The following MYO18B variants were observed in gnomAD, a reference collection of about 807,000 sequenced individuals.
MYO18B encodes the protein myosin XVIIIB, also known as unconventional myosin-XVIIIb.
Under a neutral mutation model 273.0 loss-of-function variants are expected in MYO18B, and 204 were observed. The observed-to-expected ratio is 0.75, with a 90% CI of 0.67 to 0.84. The LOEUF (loss-of-function observed/expected upper bound fraction) is 0.84, where lower values mean the gene tolerates loss of function less well. MYO18B is among the 40% of genes least tolerant of loss of function. The pLI is 0.00. For synonymous variants in MYO18B, 1,330 were observed against 1,305.7 expected (o/e 1.02, Z -0.40); for missense variants, 3,212 against 3,287.6 (o/e 0.98, Z 0.56).
intron 39 of MYO18B, among the ~76,000 whole-genome samples, chr22:25,969,029 A>T (rs554958951): frequency 1.3e-5 from 2 of 152,090 alleles, no homozygotes; most frequent in African/African-American, 4.8e-5. Context: ...ATCTTCTCCA[A>T]CCTCAGACTG....
rs527237924 is a variant in MYO18B, at chr22:25,917,264, A to T, written c.5365-3993A>T. ...CTGTTAACTTTGGTTTTGAGTTCTT[A>T]ATCTGTTTCTAAGAGAGTCCTGTTA... On this transcript the variant is annotated intron_variant, in intron 33 of 43. Transcript: ENST00000335473. Among the ~76,000 whole-genome samples the T allele has an allele frequency of 3.3e-5, 5 of 152,272 alleles. No individual in the cohort carries two copies. The South Asian group carries it at 1.0e-3, about 32-fold the overall frequency.
At chr22:25,792,826 C>G (rs564267772) in intron 11 of MYO18B, among the ~76,000 whole-genome samples, 3 of 150,426 alleles carry the variant, frequency 2.0e-5, no homozygotes, top group Non-Finnish European at 4.4e-5. Context: ...GCTCCCGTTC[C>G]GGGAGGCAGA....
At chr22:25,804,975 G>A (rs1170626999) in intron 12 of MYO18B, among the ~76,000 whole-genome samples, 6 of 152,222 alleles carry the variant, frequency 3.9e-5, no homozygotes, top group African/African-American at 7.2e-5. Context: ...AGGGCTCAGC[G>A]AAGGGCCCAT....
intron 21 of MYO18B, among the ~76,000 whole-genome samples, chr22:25,865,110 G>A (rs2090848642): frequency 1.3e-5 from 2 of 152,200 alleles, no homozygotes; most frequent in African/African-American, 2.4e-5. Flanking sequence ...GCATTTAAGT[G>A]CAAAGTAATT....
intron 4 of MYO18B, 40 bp from the exon 5 acceptor site, chr22:25,770,070 T>C: frequency 6.2e-7 from 1 of 1,603,156 alleles, no homozygotes; most frequent in Non-Finnish European, 8.5e-7. Flanking sequence ...TGGGCAGCGG[T>C]GCCATTTGCT....
intron 42 of MYO18B, among the ~76,000 whole-genome samples, chr22:26,022,028 C>G (rs1446930782): frequency 6.6e-6 from 1 of 152,102 alleles, no homozygotes; most frequent in African/African-American, 2.4e-5. Context: ...CCTTTTTGGA[C>G]AGACTACAGG....
At chr22:25,745,689 C>T (rs748666235) in intron 1 of MYO18B, among the ~76,000 whole-genome samples, 4 of 134,378 alleles carry the variant, frequency 3.0e-5, no homozygotes, top group Admixed American at 7.0e-5. Context: ...GAAAGATCCT[C>T]AAGAATCGGC....
intron 21 of MYO18B, among the ~76,000 whole-genome samples, chr22:25,863,738 A>C (rs1031058001): frequency 6.6e-6 from 1 of 152,074 alleles, no homozygotes; most frequent in South Asian, 2.1e-4. Context: ...TTATGCTTCA[A>C]CCTCTACGTT....
the MYO18B span, among the ~76,000 whole-genome samples, chr22:26,047,287 C>G: frequency 1.3e-5 from 2 of 152,044 alleles, no homozygotes; most frequent in East Asian, 3.9e-4. Context: ...CCACCATGCC[C>G]GGCTAATTTG....
chr22:25,826,635 C>T (rs1267423711), intron 14 of MYO18B, 136 bp downstream of exon 14: 1 of 701,866 alleles, frequency 1.4e-6, no homozygotes, highest in Non-Finnish European at 2.4e-6. Context: ...CTGGGTTTAA[C>T]TTCTACCTTG....
chr22:25,766,015 G>A (rs566138213), intron 3 of MYO18B, among the ~76,000 whole-genome samples: 7 of 152,282 alleles, frequency 4.6e-5, no homozygotes, highest in Admixed American at 2.6e-4. Flanking sequence ...GCTGAACCTC[G>A]TAATCACCCG....
chr22:25,952,411 T>G lies in MYO18B; in HGVS notation c.5958T>G (p.Ile1986Met). 2 of 1,613,130 alleles carry G rather than the reference T, an allele frequency of 1.2e-6. No homozygotes were observed. Among genetic ancestry groups the G allele is most frequent in the Non-Finnish European group, 1.7e-6 (2 of 1,179,662 alleles). ...ENKTEFQKVQ[I>M]KRFEVLVIRL... ...AGACAGAGTTCCAGAAGGTGCAGAT[T>G]AAGAGATTTGAGGTACGTAGTGATT... is the stretch of plus-strand genomic sequence containing the variant. Residue 1986 changes from isoleucine (I) to methionine (M), a missense_variant, in exon 38 of 44, where the codon ATT (isoleucine) becomes ATG (methionine). Coordinates refer to ENST00000335473, the MANE Select transcript of MYO18B (RefSeq NM_032608.7).
At chr22:25,795,487 G>A (rs1266204226) in intron 11 of MYO18B, among the ~76,000 whole-genome samples, 1 of 152,166 alleles carries the variant, frequency 6.6e-6, no homozygotes, top group Non-Finnish European at 1.5e-5. Context: ...GTAGATGGTG[G>A]AATCCTTCTG....
chr22:25,770,784 CCT>C (rs2086688447), intron 5 of MYO18B, 86 bp from the exon 6 acceptor site: 3 of 919,824 alleles, frequency 3.3e-6, no homozygotes, highest in East Asian at 5.3e-5. Flanking sequence ...CGGCTTAGAG[CCT>C]CTCTTATCTC....
chr22:25,877,821 A>G (rs1033120159), intron 24 of MYO18B, 138 bp from the exon 25 acceptor site: 35 of 634,592 alleles, frequency 5.5e-5, no homozygotes, highest in Admixed American at 9.4e-5. Context: ...ATTATTTGTT[A>G]TAGTCACCAT....
chr22:26,059,593 G>T, the MYO18B span, among the ~76,000 whole-genome samples: 1 of 151,996 alleles, frequency 6.6e-6, no homozygotes, highest in Admixed American at 6.5e-5. Flanking sequence ...GAAAGAGGAC[G>T]GTGTCTTCCT....
chr22:26,018,879 C>G (rs1235170222), intron 42 of MYO18B, among the ~76,000 whole-genome samples: 1 of 152,148 alleles, frequency 6.6e-6, no homozygotes, highest in Non-Finnish European at 1.5e-5. Flanking sequence ...TTGCTTGAAC[C>G]TGGGAGGTAG....
chr22:26,027,520 G>A lies in MYO18B; in HGVS notation c.7546G>A (p.Val2516Met), dbSNP rs759739539. The A allele has an allele frequency of 8.1e-6, 13 of 1,613,956 alleles. No individual in the cohort carries two copies. The highest frequency in any genetic ancestry group is 6.7e-5 in the Admixed American group (4 of 60,020). Reference protein sequence around the residue: ...SDSSSSSGSIVSFKSADSIKS... With the variant: ...SDSSSSSGSIMSFKSADSIKS... ...CTCGTCCTCATCCTCCGGCTCCATC[G>A]TGTCCTTCAAAAGTGCTGACAGCAT... Residue 2516 changes from valine to methionine, a missense_variant, in exon 43 of 44, where the codon GTG (valine) becomes ATG (methionine). Transcript: ENST00000335473. This position sits in a 1 kb window ranked among gnomAD's most constrained non-coding sequence, Gnocchi z 4.1.
At chr22:25,750,276 G>A (rs2085895594) in intron 1 of MYO18B, among the ~76,000 whole-genome samples, 1 of 152,210 alleles carries the variant, frequency 6.6e-6, no homozygotes, top group Non-Finnish European at 1.5e-5. Flanking sequence ...GGGAGAGTGA[G>A]TGAAGACACA....
Sources: gnomAD v4.1 joint callset for allele counts (sites outside exome capture counted in the v4.1 genomes callset) on GRCh38, gnomAD v4.1.1 for gene constraint, Gnocchi (gnomAD v3.1) non-coding constraint, MANE v1.5 for transcripts, NCBI Gene and HGNC (gene_info 2026-07-23, HGNC 2026-07-21) for gene names.